Variants in GCKR observed in about 807,000 individuals in gnomAD.
GCKR encodes the protein glucokinase regulatory protein.
A neutral mutation model predicts 82.9 loss-of-function variants in GCKR; 73 were observed. The ratio of observed to expected loss-of-function variants is 0.88; its 90% CI spans 0.73 to 1.07. GCKR has a LOEUF of 1.07. Among genes scored for constraint, GCKR ranks in the 50% least tolerant of loss-of-function variants. The pLI is 0.00. For synonymous variants in GCKR, 294 were observed against 291.8 expected (o/e 1.01, Z -0.08); for missense variants, 784 against 782.1 (o/e 1.00, Z -0.03).
chr2:27,510,012 A>ATT (rs202008817), intron 16 of GCKR, among the ~76,000 whole-genome samples: 1 of 142,260 alleles, frequency 7.0e-6, no homozygotes, highest in Non-Finnish European at 1.5e-5. Context: ...CACTACTATC[A>ATT]TTTTTTTTTT....
chr2:27,521,632 T>C (rs1032245414), intron 17 of GCKR, among the ~76,000 whole-genome samples: 18 of 152,052 alleles, frequency 1.2e-4, no homozygotes, highest in African/African-American at 4.3e-4. Context: ...TGAGCTGCTG[T>C]GCCTGGCCAA....
chr2:27,523,336 C>G lies in GCKR; in HGVS notation c.1775C>G (p.Ala592Gly). The change falls in exon 19 of 19, where the codon GCT becomes GGT. Residue 592 changes from alanine to glycine, a missense_variant. By Grantham distance (60) the Ala-to-Gly change is moderately conservative. Transcript: ENST00000264717. ...ATCACTGAGGCTCAGGCACACCTGG[C>G]TGCAGCTCCTTCTGTCTGTGAGGCT... ...CSITEAQAHL[A>G]AAPSVCEAVR... 1 of 1,612,900 alleles carries G rather than the reference C, an allele frequency of 6.2e-7. No individual in the cohort carries two copies. The highest frequency in any genetic ancestry group is 2.2e-5 in the East Asian group (1 of 44,896).
intron 18 of GCKR, among the ~76,000 whole-genome samples, chr2:27,522,963 A>G (rs1244526301): frequency 6.8e-6 from 1 of 147,950 alleles, no homozygotes; most frequent in Non-Finnish European, 1.5e-5. Context: ...CAGTGGCGCG[A>G]TCTCGGCTCA....
chr2:27,514,826 C>G (rs1244916819), intron 16 of GCKR, among the ~76,000 whole-genome samples: 1 of 152,136 alleles, frequency 6.6e-6, no homozygotes, highest in African/African-American at 2.4e-5. Flanking sequence ...ATAGGGTTTA[C>G]TATTTTGCTT....
chr2:27,503,216 A>C (rs1669629193), intron 8 of GCKR, among the ~76,000 whole-genome samples: 1 of 152,222 alleles, frequency 6.6e-6, no homozygotes, highest in South Asian at 2.1e-4. Context: ...ACATTAGTAT[A>C]GCCATGGCAT....
intron 7 of GCKR, among the ~76,000 whole-genome samples, chr2:27,500,744 A>C (rs1172671313): frequency 6.6e-6 from 1 of 152,222 alleles, no homozygotes; most frequent in Non-Finnish European, 1.5e-5. Context: ...AGAAGCACTG[A>C]GCCAGATGAC....
chr2:27,497,683 CT>C, intron 3 of GCKR, 53 bp downstream of exon 3: 1 of 1,069,484 alleles, frequency 9.4e-7, no homozygotes, highest in Non-Finnish European at 1.5e-6. Flanking sequence ...CCCTCTTTCT[CT>C]TTTTACTGTC....
intron 17 of GCKR, among the ~76,000 whole-genome samples, chr2:27,521,066 A>G (rs1408009018): frequency 6.6e-6 from 1 of 151,990 alleles, no homozygotes; most frequent in Non-Finnish European, 1.5e-5. Context: ...TAAAATTAAA[A>G]AAAGCCACAA....
Position 27,496,851 on chromosome 2 carries a change from G to A in GCKR, c.-54G>A. 1 of 1,414,896 alleles carries A rather than the reference G, an allele frequency of 7.1e-7. No individual in the cohort carries two copies. The highest frequency in any genetic ancestry group is 1.1e-5 in the South Asian group (1 of 87,218). The allele number at this position is 1,414,896 out of a possible 1,614,324, so 87.6% of individuals were successfully genotyped here. ...TGGAAGCAGAGTCATTGTGACCAGAGGGGTTTGTGTGGCTGAAGAGGCAGG... is the reference window on the plus strand; with the variant it reads ...TGGAAGCAGAGTCATTGTGACCAGAAGGGTTTGTGTGGCTGAAGAGGCAGG... On this transcript the variant is annotated 5_prime_UTR_variant, in exon 1 of 19. Transcript: ENST00000264717.
chr2:27,501,285 A>G (rs1669570048), intron 8 of GCKR, 56 bp downstream of exon 8: 3 of 1,096,996 alleles, frequency 2.7e-6, no homozygotes, highest in Middle Eastern at 2.2e-4. Flanking sequence ...GGAACATGTC[A>G]AAGTCTACAG....
intron 16 of GCKR, among the ~76,000 whole-genome samples, chr2:27,510,547 C>G (rs1272216615): frequency 6.6e-6 from 1 of 152,170 alleles, no homozygotes; most frequent in Non-Finnish European, 1.5e-5. Flanking sequence ...TTGATACATA[C>G]AGCCAAACTG....
Position 27,507,778 on chromosome 2 carries a change from G to A in GCKR, c.1240+1G>A, listed in dbSNP as rs1407374031. 6.5e-7 allele frequency: 1 copy of A among 1,546,074 alleles called. No individual in the cohort carries two copies. Among genetic ancestry groups the A allele is most frequent in the Admixed American group, 1.7e-5 (1 of 59,932 alleles). ...GTGGTCTTCATTTTCACCCTGGATG[G>A]TGAGAGGGAAGATGGGAGTGGTGAG... On this transcript the variant is annotated splice_donor_variant, in intron 14 of 18. Transcript: ENST00000264717. LOFTEE classifies it high-confidence loss of function.
intron 17 of GCKR, among the ~76,000 whole-genome samples, chr2:27,521,780 T>A (rs1429589481): frequency 1.3e-5 from 2 of 151,992 alleles, no homozygotes. Flanking sequence ...GGGCAGTGCA[T>A]TGGCACCATC....
intron 7 of GCKR, among the ~76,000 whole-genome samples, chr2:27,499,853 G>T (rs967007564): frequency 9.2e-5 from 14 of 152,072 alleles, no homozygotes; most frequent in Non-Finnish European, 2.1e-4. Context: ...CACCTCCCAG[G>T]TTCAAGCGAT....
chr2:27,523,464 G>C lies in GCKR; in HGVS notation c.*25G>C, dbSNP rs1184709811. 3.6e-5 allele frequency: 58 copies of C among 1,599,978 alleles called. No individual in the cohort carries two copies. Among genetic ancestry groups the C allele is most frequent in the Non-Finnish European group, 4.3e-5 (51 of 1,178,746 alleles). Reference sequence around the variant, plus strand: ...AACCCATGTTTCTGGGTGGGTGAAAGGGGCCCAACCCTGCCCACTTCAGCC... The same window carrying C: ...AACCCATGTTTCTGGGTGGGTGAAACGGGCCCAACCCTGCCCACTTCAGCC... On this transcript the variant is annotated 3_prime_UTR_variant, in exon 19 of 19. Transcript: ENST00000264717.
chr2:27,507,518 T>C, intron 13 of GCKR, 163 bp from the exon 14 acceptor site: 1 of 679,802 alleles, frequency 1.5e-6, no homozygotes, highest in Non-Finnish European at 2.7e-6. Context: ...CCTAGTCCAC[T>C]GACTTGTTAC....
intron 16 of GCKR, among the ~76,000 whole-genome samples, chr2:27,516,280 C>CTTTT (rs1572873022): frequency 4.5e-5 from 4 of 88,392 alleles, no homozygotes; most frequent in African/African-American, 1.4e-4. Context: ...GTTCTTCATT[C>CTTTT]TTGTTTTTTT....
chr2:27,509,471 G>A (rs1428531541), intron 16 of GCKR: 3 of 398,314 alleles, frequency 7.5e-6, no homozygotes, highest in African/African-American at 2.0e-5. Flanking sequence ...TCTCAAGTAG[G>A]TAGGACCACA....
intron 9 of GCKR, among the ~76,000 whole-genome samples, chr2:27,504,182 T>C (rs533458605): frequency 4.7e-4 from 71 of 152,308 alleles, no homozygotes; most frequent in Non-Finnish European, 3.7e-4. Context: ...CCTCTACCAG[T>C]GGTGGGCACA....
Sources: gnomAD v4.1 joint callset for allele counts (sites outside exome capture counted in the v4.1 genomes callset) on GRCh38, gnomAD v4.1.1 for gene constraint, MANE v1.5 for transcripts, NCBI Gene and HGNC (gene_info 2026-07-23, HGNC 2026-07-21) for gene names.